SLC6A5: variants seen among roughly 807,000 people sequenced by gnomAD.
SLC6A5 encodes the protein solute carrier family 6 member 5.
A neutral mutation model predicts 90.5 loss-of-function variants in SLC6A5; 58 were observed. The observed-to-expected ratio is 0.64, with a 90% CI of 0.52 to 0.80. The LOEUF (loss-of-function observed/expected upper bound fraction) is 0.80, where lower values mean the gene tolerates loss of function less well. Ranked by LOEUF, SLC6A5 falls within the 30% of genes least tolerant of loss-of-function variation. SLC6A5 has a pLI of 0.00. For missense variants in SLC6A5, 1,015 were observed against 1,017.6 expected, an observed-to-expected ratio of 1.00 and a Z score of 0.03; for synonymous variants, 427 against 401.4, an observed-to-expected ratio of 1.06 and a Z score of -0.76.
intron 2 of SLC6A5, among the ~76,000 whole-genome samples, chr11:20,603,938 C>T (rs1040284464): frequency 4.6e-5 from 7 of 151,856 alleles, no homozygotes; most frequent in Non-Finnish European, 1.0e-4. Flanking sequence ...GATGGAGGGA[C>T]CTGCTTGCAA....
At chr11:20,645,232 C>T (rs1454713516) in intron 13 of SLC6A5, among the ~76,000 whole-genome samples, 2 of 152,116 alleles carry the variant, frequency 1.3e-5, no homozygotes, top group African/African-American at 2.4e-5. Context: ...CATCCTTCCC[C>T]ACTTCCAAGT....
intron 3 of SLC6A5, among the ~76,000 whole-genome samples, chr11:20,606,774 A>C (rs1335391057): frequency 6.6e-6 from 1 of 152,192 alleles, no homozygotes; most frequent in Non-Finnish European, 1.5e-5. Flanking sequence ...GCCAGTGGAG[A>C]GTTGAAATAA....
chr11:20,604,975 C>G (rs1034804717), intron 3 of SLC6A5, among the ~76,000 whole-genome samples: 3 of 152,268 alleles, frequency 2.0e-5, no homozygotes, highest in African/African-American at 7.2e-5. Context: ...AATCTTACAG[C>G]GAAAACAAGT....
chr11:20,654,618 A>T, intron 15 of SLC6A5, 95 bp from the exon 16 acceptor site: 6 of 1,251,606 alleles, frequency 4.8e-6, no homozygotes, highest in Non-Finnish European at 7.0e-6. Context: ...ACTCTGGTCA[A>T]AGTGGTCATA....
intron 1 of SLC6A5, 57 bp downstream of exon 1, chr11:20,599,732 C>A (rs764742220): frequency 6.2e-7 from 1 of 1,607,294 alleles, no homozygotes; most frequent in African/African-American, 1.3e-5. Flanking sequence ...ACAGGGAAAG[C>A]AGATTCGTTT....
intron 6 of SLC6A5, among the ~76,000 whole-genome samples, chr11:20,616,792 C>T (rs149446662): frequency 3.3e-5 from 5 of 152,200 alleles, no homozygotes; most frequent in Non-Finnish European, 7.3e-5. Flanking sequence ...TGCCAAACAG[C>T]CTCTCAAGCT....
intron 2 of SLC6A5, among the ~76,000 whole-genome samples, chr11:20,603,564 G>A (rs746917884): frequency 2.0e-5 from 3 of 152,216 alleles, no homozygotes; most frequent in Non-Finnish European, 4.4e-5. Flanking sequence ...ACTCAAGGTC[G>A]TAGATGGCTT....
At chr11:20,618,773 T>G (rs1363910720) in intron 7 of SLC6A5, among the ~76,000 whole-genome samples, 1 of 151,968 alleles carries the variant, frequency 6.6e-6, no homozygotes, top group Non-Finnish European at 1.5e-5. Flanking sequence ...CCCGTCTCTA[T>G]GAAAAATACA....
chr11:20,607,285 C>T (rs1418815923), intron 4 of SLC6A5, 147 bp downstream of exon 4: 3 of 1,298,726 alleles, frequency 2.3e-6, no homozygotes, highest in Non-Finnish European at 3.3e-6. Flanking sequence ...GAATAATGGC[C>T]CAAGATCACC....
intron 13 of SLC6A5, among the ~76,000 whole-genome samples, chr11:20,645,460 A>G (rs1346984240): frequency 1.3e-5 from 2 of 152,040 alleles, no homozygotes; most frequent in African/African-American, 4.8e-5. Context: ...AGACCCAGAA[A>G]TCTGAGGAGG....
At chr11:20,611,372 T>C (rs936496103) in intron 5 of SLC6A5, among the ~76,000 whole-genome samples, 1 of 152,198 alleles carries the variant, frequency 6.6e-6, no homozygotes, top group African/African-American at 2.4e-5. Context: ...TGAGAATCAC[T>C]TGAACCCTGG....
intron 15 of SLC6A5, among the ~76,000 whole-genome samples, chr11:20,654,401 A>G (rs764805604): frequency 4.6e-4 from 70 of 152,358 alleles, no homozygotes; most frequent in Non-Finnish European, 9.3e-4. Flanking sequence ...GGGAAAAAAT[A>G]TATAATTAAA....
intron 2 of SLC6A5, 114 bp from the exon 3 acceptor site, chr11:20,604,172 T>G: frequency 4.5e-5 from 61 of 1,353,914 alleles, no homozygotes; most frequent in Non-Finnish European, 5.6e-5. Context: ...CATCCTCGGT[T>G]GAGAAGTGGG....
At chr11:20,631,922 C>T (rs181336837) in intron 10 of SLC6A5, among the ~76,000 whole-genome samples, 10 of 152,330 alleles carry the variant, frequency 6.6e-5, no homozygotes, top group African/African-American at 2.4e-4. Flanking sequence ...CCAATTCATG[C>T]TGATGGTGCA....
At chr11:20,635,627 T>C (rs2133807751) in intron 10 of SLC6A5, among the ~76,000 whole-genome samples, 1 of 152,294 alleles carries the variant, frequency 6.6e-6, no homozygotes, top group Non-Finnish European at 1.5e-5. Flanking sequence ...TTTACCTATG[T>C]AACAAACCTG....
intron 7 of SLC6A5, among the ~76,000 whole-genome samples, chr11:20,620,665 T>TAG (rs749354548): frequency 5.3e-5 from 8 of 152,152 alleles, no homozygotes; most frequent in Admixed American, 1.3e-4. Flanking sequence ...TCCCATTTTG[T>TAG]AGAGAGAGAG....
intron 10 of SLC6A5, among the ~76,000 whole-genome samples, chr11:20,632,776 C>T (rs1186327600): frequency 6.6e-6 from 1 of 152,212 alleles, no homozygotes; most frequent in Non-Finnish European, 1.5e-5. Context: ...AGCCCCACTT[C>T]CTCCTTGCTG....
chr11:20,641,803 A>G (rs558054437), intron 13 of SLC6A5, among the ~76,000 whole-genome samples: 26 of 152,208 alleles, frequency 1.7e-4, no homozygotes, highest in Middle Eastern at 3.4e-3. Flanking sequence ...TAGTCATGGA[A>G]CTTGCCAACT....
At chr11:20,611,642 T>A (rs968298994) in intron 5 of SLC6A5, among the ~76,000 whole-genome samples, 1 of 152,160 alleles carries the variant, frequency 6.6e-6, no homozygotes, top group African/African-American at 2.4e-5. Context: ...CAGTGGCTCT[T>A]ATGATTAAAC....
Sources: gnomAD v4.1 joint callset for allele counts (sites outside exome capture counted in the v4.1 genomes callset) on GRCh38, gnomAD v4.1.1 for gene constraint, MANE v1.5 for transcripts, NCBI Gene and HGNC (gene_info 2026-07-23, HGNC 2026-07-21) for gene names.